Variants in PDCD6 observed in about 807,000 individuals in gnomAD.
PDCD6 encodes programmed cell death protein 6.
In PDCD6, 12 loss-of-function variants were observed where a neutral mutation model predicts 28.3. The ratio of observed to expected loss-of-function variants is 0.42; its 90% CI spans 0.27 to 0.69. The LOEUF (loss-of-function observed/expected upper bound fraction) is 0.69, where lower values mean the gene tolerates loss of function less well. Ranked by LOEUF, PDCD6 falls within the 30% of genes least tolerant of loss-of-function variation. PDCD6 has a pLI of 0.22. For missense variants in PDCD6, 226 were observed against 269.9 expected, an observed-to-expected ratio of 0.84 and a Z score of 1.14; for synonymous variants, 92 against 108.0, an observed-to-expected ratio of 0.85 and a Z score of 0.92.
intron 2 of PDCD6, among the ~76,000 whole-genome samples, chr5:294,902 C>T (rs1047102503): frequency 1.2e-4 from 19 of 152,090 alleles, no homozygotes; most frequent in African/African-American, 4.1e-4. Context: ...GCCACATGCC[C>T]AGTGAAGGAA....
intron 3 of PDCD6, chr5:304,833 C>T (rs991004794): frequency 6.6e-6 from 1 of 151,932 alleles, no homozygotes; most frequent in African/African-American, 2.4e-5. Context: ...CCAGGGTCTC[C>T]CCAGCTGTAT....
rs1193963754 is a variant in PDCD6, at chr5:289,311, A to G, written c.164-14866A>G. On this transcript the variant is annotated intron_variant, in intron 2 of 5. Coordinates refer to ENST00000264933, the MANE Select transcript of PDCD6 (RefSeq NM_013232.4). ...GGGAGAAAAGCCCAATGTCGGCATT[A>G]CAAGGAGTTCTATTATGTACAATTC... 10 of 539,102 alleles carry G rather than the reference A, an allele frequency of 1.9e-5. 1 individual carries two copies. Among genetic ancestry groups the G allele is most frequent in the African/African-American group, 1.1e-4 (6 of 52,732 alleles). 33.4% of individuals were successfully genotyped at this position (539,102 alleles called of 1,614,324 possible).
intron 2 of PDCD6, among the ~76,000 whole-genome samples, chr5:274,565 A>G (rs1738063207): frequency 6.6e-6 from 1 of 152,230 alleles, no homozygotes; most frequent in Non-Finnish European, 1.5e-5. Flanking sequence ...GAGTATTAGT[A>G]GTAGCTAATA....
chr5:276,549 C>T, intron 2 of PDCD6: 2 of 978,194 alleles, frequency 2.0e-6, no homozygotes, highest in Non-Finnish European at 2.4e-6. Context: ...GATCCTCCTG[C>T]CTCAGCCTAT....
chr5:300,509 C>T (rs1165215952), intron 2 of PDCD6, among the ~76,000 whole-genome samples: 5 of 152,240 alleles, frequency 3.3e-5, no homozygotes, highest in South Asian at 4.1e-4. Context: ...AGAAACTCAC[C>T]TTGGCAGGGC....
At chr5:303,268 A>G (rs1264477818) in intron 2 of PDCD6, among the ~76,000 whole-genome samples, 307 of 149,426 alleles carry the variant, frequency 2.1e-3, no homozygotes, top group Non-Finnish European at 3.5e-3. Flanking sequence ...GTCTCTGTGT[A>G]CTGCCCAGGA....
intron 4 of PDCD6, chr5:309,473 G>A (rs990390503): frequency 6.0e-6 from 1 of 166,968 alleles, no homozygotes; most frequent in Non-Finnish European, 1.3e-5. Flanking sequence ...CAGTGGGGTT[G>A]CTCCTGTTGT....
chr5:297,948 C>A (rs1239288214), intron 2 of PDCD6, among the ~76,000 whole-genome samples: 1 of 152,186 alleles, frequency 6.6e-6, no homozygotes, highest in Non-Finnish European at 1.5e-5. Flanking sequence ...AAAAAGAGAT[C>A]TCAAGCACAG....
rs923803992 is a variant in PDCD6, at chr5:305,309, G to A, written c.208+1088G>A. On this transcript the variant is annotated intron_variant, in intron 3 of 5. Transcript: ENST00000264933. This position sits in a 1 kb window ranked among gnomAD's most constrained non-coding sequence, Gnocchi z 4.0. The stretch of plus-strand genomic sequence containing the variant: ...GCTCATTCCCTCGCCTCCCATCCAT[G>A]CACGTGTTTTAGTCTTGTGAGGATT... The A allele has an allele frequency of 6.6e-5, 10 of 152,286 alleles. No individual in the cohort carries two copies. Among genetic ancestry groups the A allele is most frequent in the African/African-American group, 2.4e-4 (10 of 41,438 alleles). The allele number at this position is 152,286 out of a possible 1,614,324, so 9.4% of individuals were successfully genotyped here.
Position 307,594 on chromosome 5 carries a change from A to G in PDCD6, c.367+834A>G, listed in dbSNP as rs1236987560. Among the ~76,000 whole-genome samples the G allele has an allele frequency of 6.6e-6, 1 of 152,132 alleles. No individual in the cohort carries two copies. The highest frequency in any genetic ancestry group is 6.5e-5 in the Admixed American group (1 of 15,282). ...GCAGGGGTTTTATTTACAGAGGAAC[A>G]ACGGGCATGTTTGGGGCCAGCCTGA... On this transcript the variant is annotated intron_variant, in intron 4 of 5. Coordinates refer to ENST00000264933, the MANE Select transcript of PDCD6 (RefSeq NM_013232.4). This position sits in a 1 kb window ranked among gnomAD's most constrained non-coding sequence, Gnocchi z 6.1.
At chr5:306,211 G>T in intron 3 of PDCD6, 1 of 227,328 alleles carries the variant, frequency 4.4e-6, no homozygotes, top group South Asian at 6.8e-5. Flanking sequence ...GTTCTAGGCC[G>T]AGACCCAGGA....
chr5:295,526 G>T (rs1739557212), intron 2 of PDCD6, among the ~76,000 whole-genome samples: 1 of 147,240 alleles, frequency 6.8e-6, no homozygotes, highest in Non-Finnish European at 1.5e-5. Flanking sequence ...GAAATTTGAA[G>T]ATGTCCAGGA....
chr5:290,376 C>G, intron 2 of PDCD6: 1 of 909,594 alleles, frequency 1.1e-6, no homozygotes, highest in African/African-American at 1.6e-5. Flanking sequence ...TCTTGGGGAC[C>G]GGAATGCCTC....
At chr5:303,470 C>T (rs923026816) in intron 2 of PDCD6, among the ~76,000 whole-genome samples, 4 of 151,866 alleles carry the variant, frequency 2.6e-5, no homozygotes, top group Non-Finnish European at 4.4e-5. Flanking sequence ...AGTGAATCTT[C>T]ATTCTCAGAG....
At chr5:310,088 C>A (rs1740809907) in intron 4 of PDCD6, 1 of 232,164 alleles carries the variant, frequency 4.3e-6, no homozygotes, top group Non-Finnish European at 8.6e-6. Context: ...TGGGCCTGTC[C>A]CAGGCTCTGT....
In PDCD6 at chr5:272,707, A is replaced by G; in HGVS notation, c.102-4A>G. ...CAGCTTATTTGGTCTTCTTGATGTTATAGGGTCGATAAAGACAGGAGTGGA... is the reference window on the plus strand; with the variant it reads ...CAGCTTATTTGGTCTTCTTGATGTTGTAGGGTCGATAAAGACAGGAGTGGA... On this transcript the variant is annotated splice_region_variant and splice_polypyrimidine_tract_variant and intron_variant, in intron 1 of 5. Coordinates refer to ENST00000264933, the MANE Select transcript of PDCD6 (RefSeq NM_013232.4). The G allele has an allele frequency of 6.4e-7, 1 of 1,573,058 alleles. No individual in the cohort carries two copies. Among genetic ancestry groups the G allele is most frequent in the Non-Finnish European group, 8.6e-7 (1 of 1,159,406 alleles).
chr5:299,831 C>G lies in PDCD6; in HGVS notation c.164-4346C>G, dbSNP rs191381038. On this transcript the variant is annotated intron_variant, in intron 2 of 5. Transcript: ENST00000264933. The stretch of plus-strand genomic sequence containing the variant: ...CCCAAAGTGCTGGGATTACAGGCGC[C>G]AGCCACCGCGCCCAGCTGGTATTTT... Among the ~76,000 whole-genome samples the G allele has an allele frequency of 4.1e-3, 621 of 152,060 alleles. 2 individuals are homozygous for G. Among genetic ancestry groups the G allele is most frequent in the African/African-American group, 9.8e-3 (407 of 41,360 alleles).
chr5:290,390 C>T lies in PDCD6; in HGVS notation c.164-13787C>T, dbSNP rs1439780527. ...CTCTTGGGGACCGGAATGCCTCCCC[C>T]CACCCCCCGACGTCCTCCCACTCCC... is the stretch of plus-strand genomic sequence containing the variant. On this transcript the variant is annotated intron_variant, in intron 2 of 5. Transcript: ENST00000264933. 401 of 837,576 alleles carry T rather than the reference C, an allele frequency of 4.8e-4. 3 individuals carry two copies. Among genetic ancestry groups the T allele is most frequent in the Non-Finnish European group, 2.4e-4 (119 of 502,754 alleles). The allele number at this position is 837,576 out of a possible 1,614,324, so 51.9% of individuals were successfully genotyped here. A position where few individuals can be genotyped will look rare whatever the true frequency, so the allele number is the denominator to read the frequency against.
rs1737811046 is a variant in PDCD6, at chr5:271,746, G to A, written c.26G>A (p.Gly9Asp). The A allele has an allele frequency of 1.7e-6, 2 of 1,179,032 alleles. No homozygotes were observed. The highest frequency in any genetic ancestry group is 1.1e-6 in the Non-Finnish European group (1 of 873,310). The allele number at this position is 1,179,032 out of a possible 1,614,324, so 73.0% of individuals were successfully genotyped here. Residue 9 changes from glycine (G) to aspartate (D), a missense_variant, in exon 1 of 6, where the codon GGC becomes GAC. Physicochemically the swap from Gly to Asp is moderately conservative, Grantham distance 94. This residue lies in a region of PDCD6 where 72 missense variants were observed against 71.4 expected (regional missense o/e 1.01). Transcript: ENST00000264933. MAAYSYRP[G>D]PGAGPGPAAG... ...ATGGCCGCCTACTCTTACCGCCCCG[G>A]CCCTGGGGCCGGCCCTGGGCCTGCT...
Sources: allele counts gnomAD v4.1 joint callset (sites outside exome capture counted in the v4.1 genomes callset), GRCh38; gene constraint gnomAD v4.1.1; regional missense constraint gnomAD v4.1.1; non-coding constraint Gnocchi (gnomAD v3.1); transcripts MANE v1.5; gene names NCBI Gene and HGNC (gene_info 2026-07-23, HGNC 2026-07-21).